Variants in CDYL2 observed in about 807,000 individuals in gnomAD.
CDYL2 encodes chromodomain Y-like protein 2.
CDYL2 carries 23 observed loss-of-function variants against 49.4 expected under a neutral mutation model. That is an observed-to-expected ratio of 0.47 (90% CI 0.34 to 0.66). The LOEUF is 0.66. Among genes scored for constraint, CDYL2 ranks in the 30% least tolerant of loss-of-function variants. The pLI, the probability that CDYL2 is intolerant of heterozygous loss-of-function variation, is 0.01. For synonymous variants in CDYL2, 360 were observed against 268.8 expected (o/e 1.34, Z -3.32); for missense variants, 678 against 656.4 (o/e 1.03, Z -0.36).
chr16:80,612,530 A>G lies in CDYL2; in HGVS notation c.1218+96T>C. On this transcript the variant is annotated intron_variant, in intron 5 of 6. Transcript: ENST00000570137. The surrounding 1 kb of genome is among the most constrained non-coding windows in gnomAD (Gnocchi z 5.0). ...AGCCAAGCCAATCTGCAGGCTGACA[A>G]CACCCTCAGGTTTCTAGCCCCATGA... 1 of 1,263,388 alleles carries G rather than the reference A, an allele frequency of 7.9e-7. No homozygotes were observed. The highest frequency in any genetic ancestry group is 1.1e-6 in the Non-Finnish European group (1 of 909,536). 78.3% of individuals were successfully genotyped at this position (1,263,388 alleles called of 1,614,324 possible). A position where few individuals can be genotyped will look rare whatever the true frequency, so the allele number is the denominator to read the frequency against.
chr16:80,693,486 G>A (rs1910499179), intron 1 of CDYL2, among the ~76,000 whole-genome samples: 1 of 152,098 alleles, frequency 6.6e-6, no homozygotes, highest in Non-Finnish European at 1.5e-5. Flanking sequence ...TTCTGTATGT[G>A]AATACTAACA....
rs1385679053 is a variant in CDYL2 at position 80,602,270 on chromosome 16, C to T, written c.*2118G>A. On this transcript the variant is annotated 3_prime_UTR_variant, in exon 7 of 7. Coordinates refer to ENST00000570137, the MANE Select transcript of CDYL2 (RefSeq NM_152342.4). ...CTCCCTATAGTAACTCCCTGTAGGA[C>T]AGGTCCGAAGTCCTTACAGGATCCT... 1 of 152,238 alleles carries T rather than the reference C, an allele frequency of 6.6e-6. No individual in the cohort carries two copies. Among genetic ancestry groups the T allele is most frequent in the African/African-American group, 2.4e-5 (1 of 41,460 alleles). 9.4% of individuals were successfully genotyped at this position (152,238 alleles called of 1,614,324 possible).
At position 80,677,252 on chromosome 16, in the gene CDYL2, T is replaced by C. The variant is rs537978990; in HGVS notation, c.616+7286A>G. 4.4e-3 allele frequency among the ~76,000 whole-genome samples: 677 copies of C among 152,194 alleles called. 7 individuals carry two copies. Among genetic ancestry groups the C allele is most frequent in the African/African-American group, 0.016 (657 of 41,536 alleles). ...TCCCAAAGTGCTGGGATTACAGGCA[T>C]GAGCCACCACTCCTGGCCCAATTTC... is the stretch of plus-strand genomic sequence containing the variant. On this transcript the variant is annotated intron_variant, in intron 2 of 6. Transcript: ENST00000570137.
At position 80,620,070 on chromosome 16, in the gene CDYL2, G is replaced by A. The variant is rs555858673; in HGVS notation, c.1007+693C>T. 1.6e-4 allele frequency among the ~76,000 whole-genome samples: 25 copies of A among 152,276 alleles called. No homozygotes were observed. In the East Asian group the frequency reaches 2.3e-3, roughly 14 times the overall value. On this transcript the variant is annotated intron_variant, in intron 4 of 6. Transcript: ENST00000570137. ...TCCTAAGCAAGATACAGCAGCACCC[G>A]CCAGGTGAACACTGGGTGACAGCTG...
intron 1 of CDYL2, among the ~76,000 whole-genome samples, chr16:80,695,201 A>G (rs1910572432): frequency 1.3e-5 from 2 of 152,248 alleles, no homozygotes; most frequent in South Asian, 4.1e-4. Context: ...GGCTGCTTTC[A>G]CAATACAACA....
At chr16:80,613,139 T>C (rs748756512) in intron 4 of CDYL2, among the ~76,000 whole-genome samples, 6 of 152,068 alleles carry the variant, frequency 3.9e-5, no homozygotes, top group Non-Finnish European at 8.8e-5. Context: ...CAGTAAGTTA[T>C]ATGGGCACCC....
intron 2 of CDYL2, among the ~76,000 whole-genome samples, chr16:80,666,312 G>A (rs143070017): frequency 9.7e-4 from 148 of 152,166 alleles, no homozygotes; most frequent in African/African-American, 3.4e-3. Flanking sequence ...CCTGTAACTG[G>A]GACGTCTATT....
At chr16:80,765,728 CA>C (rs35740729) in intron 1 of CDYL2, among the ~76,000 whole-genome samples, 7,559 of 55,300 alleles carry the variant, frequency 0.14, 156 homozygotes, top group African/African-American at 0.23. Flanking sequence ...GTATTAATCG[CA>C]AAAAAAAAAA....
chr16:80,718,562 G>A (rs557637697), intron 1 of CDYL2, among the ~76,000 whole-genome samples: 1 of 152,280 alleles, frequency 6.6e-6, no homozygotes, highest in East Asian at 1.9e-4. Context: ...CTGATTTACT[G>A]CTCCGTGACA....
intron 2 of CDYL2, among the ~76,000 whole-genome samples, chr16:80,666,953 C>T (rs190748151): frequency 1.2e-3 from 182 of 152,350 alleles, no homozygotes; most frequent in Middle Eastern, 3.4e-3. Context: ...CCCTGTGGAG[C>T]TTCTGATCGA....
chr16:80,616,615 C>G (rs1906837535), intron 4 of CDYL2, among the ~76,000 whole-genome samples: 1 of 152,130 alleles, frequency 6.6e-6, no homozygotes. Context: ...AAACAGTGAC[C>G]ACCATCCTGG....
At chr16:80,742,251 C>CT (rs1905762936) in intron 1 of CDYL2, 1 of 152,250 alleles carries the variant, frequency 6.6e-6, no homozygotes, top group Non-Finnish European at 1.5e-5. Context: ...ACAGGAAACA[C>CT]TTTAACACTA....
chr16:80,764,053 G>C (rs1256857001), intron 1 of CDYL2, among the ~76,000 whole-genome samples: 1 of 151,886 alleles, frequency 6.6e-6, no homozygotes, highest in Non-Finnish European at 1.5e-5. Context: ...ATATCCAAAG[G>C]ACAAGACAAA....
At position 80,678,906 on chromosome 16, in the gene CDYL2, T is replaced by A. The variant is rs192277665; in HGVS notation, c.616+5632A>T. On this transcript the variant is annotated intron_variant, in intron 2 of 6. Transcript: ENST00000570137. Reference sequence around the variant, plus strand: ...GATTGGATTAAGAAAATGTGGCACATATACACCATGGAATACTATGCAGCC... The same window carrying A: ...GATTGGATTAAGAAAATGTGGCACAAATACACCATGGAATACTATGCAGCC... Among the ~76,000 whole-genome samples, 1,386 of 151,114 alleles carry A rather than the reference T, an allele frequency of 9.2e-3. 53 individuals are homozygous for A. The highest frequency in any genetic ancestry group is 0.032 in the African/African-American group (1,308 of 40,810).
At chr16:80,772,645 G>T (rs1906945511) in intron 1 of CDYL2, among the ~76,000 whole-genome samples, 1 of 152,068 alleles carries the variant, frequency 6.6e-6, no homozygotes, top group African/African-American at 2.4e-5. Context: ...TAGAGACGGG[G>T]TTTCACCGTG....
rs968340541 is a variant in CDYL2 at position 80,598,350 on chromosome 16, A to G, written c.*6038T>C. The G allele has an allele frequency of 6.6e-5, 10 of 152,164 alleles. No homozygotes were observed. Among genetic ancestry groups the G allele is most frequent in the African/African-American group, 2.4e-4 (10 of 41,438 alleles). 9.4% of individuals were successfully genotyped at this position (152,164 alleles called of 1,614,324 possible). A position where few individuals can be genotyped will look rare whatever the true frequency, so the allele number is the denominator to read the frequency against. ...GGATAAGTTTTTGGTAGCCTGCTTC[A>G]TTATCGGAAGTTTGGTAATAAGCCT... is the stretch of plus-strand genomic sequence containing the variant. On this transcript the variant is annotated 3_prime_UTR_variant, in exon 7 of 7. Transcript: ENST00000570137.
intron 1 of CDYL2, among the ~76,000 whole-genome samples, chr16:80,751,733 T>C (rs1206966839): frequency 1.3e-5 from 2 of 152,210 alleles, no homozygotes; most frequent in Non-Finnish European, 2.9e-5. Flanking sequence ...GAAATGAATT[T>C]TGGAACTCAG....
intron 4 of CDYL2, among the ~76,000 whole-genome samples, chr16:80,618,198 G>A (rs1941172901): frequency 1.3e-5 from 2 of 152,220 alleles, no homozygotes; most frequent in Non-Finnish European, 2.9e-5. Flanking sequence ...CGCTGAGATG[G>A]CAAATGTCTG....
At chr16:80,738,021 C>T (rs1396160141) in intron 1 of CDYL2, among the ~76,000 whole-genome samples, 2 of 152,006 alleles carry the variant, frequency 1.3e-5, no homozygotes, top group African/African-American at 4.8e-5. Context: ...CTCCCCTAGC[C>T]CCCAGCCCCC....
Sources: gnomAD v4.1 joint callset for allele counts (sites outside exome capture counted in the v4.1 genomes callset) on GRCh38, gnomAD v4.1.1 for gene constraint, Gnocchi (gnomAD v3.1) non-coding constraint, MANE v1.5 for transcripts, NCBI Gene and HGNC (gene_info 2026-07-23, HGNC 2026-07-21) for gene names.